The following HSDL1 variants were observed in gnomAD, a reference collection of about 807,000 sequenced individuals.
HSDL1 encodes the protein hydroxysteroid dehydrogenase like 1, also known as inactive hydroxysteroid dehydrogenase-like protein 1.
In HSDL1, 29 loss-of-function variants were observed where a neutral mutation model predicts 31.5. That is an observed-to-expected ratio of 0.92 (90% CI 0.69 to 1.26). The LOEUF (loss-of-function observed/expected upper bound fraction) is 1.26. Ranked by LOEUF, HSDL1 falls within the 50% of genes most tolerant of loss-of-function variation. The probability of loss-of-function intolerance (pLI) is 0.00; values close to 1 mark genes in which losing one functional copy is unlikely to be tolerated. For synonymous variants in HSDL1, 222 were observed against 155.2 expected, an observed-to-expected ratio of 1.43 and a Z score of -3.20; for missense variants, 503 against 416.6, an observed-to-expected ratio of 1.21 and a Z score of -1.81.
intron 1 of HSDL1, among the ~76,000 whole-genome samples, chr16:84,144,844 G>T (rs2086827766): frequency 6.6e-6 from 1 of 151,616 alleles, no homozygotes; most frequent in Admixed American, 6.6e-5. Context: ...GGGCGGGGCT[G>T]GGGCTTTTTG....
chr16:84,128,561 T>C (rs977230614), intron 5 of HSDL1, among the ~76,000 whole-genome samples: 6 of 152,322 alleles, frequency 3.9e-5, no homozygotes, highest in Non-Finnish European at 1.5e-5. Context: ...GCATGAAATA[T>C]AGCCCTATCT....
intron 2 of HSDL1, among the ~76,000 whole-genome samples, 156 bp from the exon 3 acceptor site, chr16:84,131,483 G>GTCTGTCTGTCTATCTATCTA (rs1232519658): frequency 2.8e-5 from 4 of 144,132 alleles, no homozygotes; most frequent in African/African-American, 1.1e-4. Context: ...CACAGTTTCA[G>GTCTGTCTGTCTATCTATCTA]TCTATCTATC....
chr16:84,129,994 C>G lies in HSDL1; in HGVS notation c.658G>C (p.Ala220Pro). 3.1e-6 allele frequency: 5 copies of G among 1,612,426 alleles called. No individual in the cohort carries two copies. Among genetic ancestry groups the G allele is most frequent in the Non-Finnish European group, 4.2e-6 (5 of 1,178,832 alleles). ...AGTAAGTAACATCTGACCTTAGAAG[C>G]AGAAAATGCAGCCAGCTGAGGAGTG... Reference protein sequence around the residue: ...KPTPQLAAFSASKAYLDHFSR... With the variant: ...KPTPQLAAFSPSKAYLDHFSR... The change falls in exon 4 of 6, where the codon GCT (alanine) becomes CCT (proline). Residue 220 changes from alanine to proline, a missense_variant. Transcript: ENST00000219439.
intron 4 of HSDL1, 94 bp downstream of exon 4, chr16:84,129,892 G>C (rs1567519599): frequency 1.4e-6 from 2 of 1,422,926 alleles, no homozygotes; most frequent in East Asian, 2.3e-5. Flanking sequence ...GCATATGTGA[G>C]TTGCTGACAA....
intron 5 of HSDL1, among the ~76,000 whole-genome samples, chr16:84,127,034 G>C (rs1249303831): frequency 1.3e-5 from 2 of 152,058 alleles, no homozygotes; most frequent in East Asian, 1.9e-4. Flanking sequence ...TGAGTAAACT[G>C]TTCGTGTTTT....
intron 2 of HSDL1, among the ~76,000 whole-genome samples, chr16:84,133,037 G>C (rs1203817736): frequency 6.7e-6 from 1 of 148,786 alleles, no homozygotes; most frequent in African/African-American, 2.5e-5. Context: ...GCACAAATTA[G>C]CCTAAGTTTG....
intron 5 of HSDL1, among the ~76,000 whole-genome samples, chr16:84,129,043 A>T (rs2086635811): frequency 6.6e-6 from 1 of 152,176 alleles, no homozygotes. Flanking sequence ...TGCCACATAG[A>T]TTGAACTTTT....
intron 5 of HSDL1, 99 bp downstream of exon 5, chr16:84,129,449 T>G: frequency 2.3e-6 from 2 of 885,904 alleles, no homozygotes; most frequent in Non-Finnish European, 3.5e-6. Context: ...GAGTCAGAAT[T>G]TACAATTCTC....
At position 84,123,593 on chromosome 16, in the gene HSDL1, C is replaced by A. The variant is rs1372253602; in HGVS notation, c.*1037G>T. On this transcript the variant is annotated 3_prime_UTR_variant, in exon 6 of 6. Transcript: ENST00000219439. ...AGAATAAGCTTCTAACTTATATTGA[C>A]AGATATGTCACACACGTAATTTGTC... 1 of 152,524 alleles carries A rather than the reference C, an allele frequency of 6.6e-6. No homozygotes were observed. The highest frequency in any genetic ancestry group is 1.5e-5 in the Non-Finnish European group (1 of 68,042). The allele number at this position is 152,524 out of a possible 1,614,324, so 9.4% of individuals were successfully genotyped here. A position where few individuals can be genotyped will look rare whatever the true frequency, so the allele number is the denominator to read the frequency against.
intron 2 of HSDL1, among the ~76,000 whole-genome samples, chr16:84,133,884 G>A (rs1176376086): frequency 6.6e-6 from 1 of 152,134 alleles, no homozygotes; most frequent in Admixed American, 6.5e-5. Flanking sequence ...TTTTAAATTT[G>A]ACTAAGTACA....
chr16:84,130,284 A>G lies in HSDL1; in HGVS notation c.368T>C (p.Val123Ala), dbSNP rs1490672601. The change falls in exon 4 of 6, where the codon GTT becomes GCT. Residue 123 changes from valine to alanine, a missense_variant. By Grantham distance (64) the Val-to-Ala change is moderately conservative. Coordinates refer to ENST00000219439, the MANE Select transcript of HSDL1 (RefSeq NM_031463.5). ...DTYKVETDIIVADFSSGREIY... is the reference protein window; with the variant it reads ...DTYKVETDIIAADFSSGREIY... ...CTCACGACCGCTGCTGAAGTCCGCA[A>G]CTATAATATCAGTTTCCACTTTGTA... 5.0e-6 allele frequency: 8 copies of G among 1,614,112 alleles called. No individual in the cohort carries two copies. The highest frequency in any genetic ancestry group is 6.8e-6 in the Non-Finnish European group (8 of 1,180,058).
At position 84,138,194 on chromosome 16, in the gene HSDL1, C is replaced by T. The variant is rs1041744236; in HGVS notation, c.-68-2589G>A. Among the ~76,000 whole-genome samples, 86 of 152,126 alleles carry T rather than the reference C, an allele frequency of 5.7e-4. 1 individual carries two copies. The highest frequency in any genetic ancestry group is 9.2e-4 in the Admixed American group (14 of 15,252). On this transcript the variant is annotated intron_variant, in intron 1 of 5. Coordinates refer to ENST00000219439, the MANE Select transcript of HSDL1 (RefSeq NM_031463.5). ...AAGGCAGCCTGCAACCTAGAGAAAC[C>T]CATGATGTGGAAAGCAATACTAAAA...
chr16:84,131,204 C>T lies in HSDL1; in HGVS notation c.118G>A (p.Val40Ile), dbSNP rs1396102336. The change falls in exon 3 of 6, where the codon GTC (valine) becomes ATC (isoleucine). Residue 40 changes from valine to isoleucine, a missense_variant. By Grantham distance (29) the Val-to-Ile change is conservative. Coordinates refer to ENST00000219439, the MANE Select transcript of HSDL1 (RefSeq NM_031463.5). ...ATCAGGCTGTAAAAGTCACAGATGA[C>T]AGTGATGCTTTTTCTGGCCGTATAC... ...AWYTARKSIT[V>I]ICDFYSLIRL... 1.4e-5 allele frequency: 22 copies of T among 1,614,022 alleles called. No homozygotes were observed. The highest frequency in any genetic ancestry group is 1.9e-5 in the Non-Finnish European group (22 of 1,180,012).
intron 5 of HSDL1, among the ~76,000 whole-genome samples, chr16:84,128,134 C>T (rs976895349): frequency 6.6e-6 from 1 of 151,144 alleles, no homozygotes. Flanking sequence ...ACTAAAAACA[C>T]AAAAATTTGC....
In HSDL1 at chr16:84,122,567, G is replaced by T. The variant is rs952366679; in HGVS notation, c.*2063C>A. 6.6e-6 allele frequency: 1 copy of T among 152,108 alleles called. No homozygotes were observed. Among genetic ancestry groups the T allele is most frequent in the Non-Finnish European group, 1.5e-5 (1 of 68,056 alleles). 9.4% of individuals were successfully genotyped at this position (152,108 alleles called of 1,614,324 possible). On this transcript the variant is annotated 3_prime_UTR_variant, in exon 6 of 6. Coordinates refer to ENST00000219439, the MANE Select transcript of HSDL1 (RefSeq NM_031463.5). ...GAGACAGGATGTGTTCCCCAGGCTG[G>T]TCTCGACCTCCTGGGATCAAGCGAT...
intron 1 of HSDL1, among the ~76,000 whole-genome samples, chr16:84,137,077 C>T (rs1294687863): frequency 6.6e-6 from 1 of 152,190 alleles, no homozygotes; most frequent in Non-Finnish European, 1.5e-5. Flanking sequence ...TACAAAGTGT[C>T]AGAGACTGAG....
At chr16:84,140,110 T>C (rs1220331199) in intron 1 of HSDL1, among the ~76,000 whole-genome samples, 1 of 152,098 alleles carries the variant, frequency 6.6e-6, no homozygotes, top group Non-Finnish European at 1.5e-5. Context: ...TCTGAATTCC[T>C]CTCCACCTCT....
At chr16:84,137,975 C>T (rs1567523571) in intron 1 of HSDL1, among the ~76,000 whole-genome samples, 1 of 152,194 alleles carries the variant, frequency 6.6e-6, no homozygotes, top group African/African-American at 2.4e-5. Flanking sequence ...CGCCCCACTC[C>T]CTGATTCTTG....
At chr16:84,127,708 A>C (rs1370979323) in intron 5 of HSDL1, among the ~76,000 whole-genome samples, 2 of 147,322 alleles carry the variant, frequency 1.4e-5, no homozygotes, top group East Asian at 4.0e-4. Context: ...ACAGTGACTC[A>C]CACTGGTATT....
Sources: gnomAD v4.1 joint callset for allele counts (sites outside exome capture counted in the v4.1 genomes callset) on GRCh38, gnomAD v4.1.1 for gene constraint, MANE v1.5 for transcripts, NCBI Gene and HGNC (gene_info 2026-07-23, HGNC 2026-07-21) for gene names.